The following EAF2 variants were observed in gnomAD, a reference collection of about 807,000 sequenced individuals.
The protein encoded by EAF2 is ELL associated factor 2, also known as ELL-associated factor 2.
EAF2 carries 29 observed loss-of-function variants against 29.4 expected under a neutral mutation model. That is an observed-to-expected ratio of 0.99 (90% CI 0.73 to 1.35). The LOEUF (loss-of-function observed/expected upper bound fraction) is 1.35, where lower values mean the gene tolerates loss of function less well. Ranked by LOEUF, EAF2 falls within the 40% of genes most tolerant of loss-of-function variation. The pLI, the probability that EAF2 is intolerant of heterozygous loss-of-function variation, is 0.00. For missense variants in EAF2, 292 were observed against 312.0 expected (o/e 0.94, Z 0.48); for synonymous variants, 103 against 102.5 (o/e 1.00, Z -0.03).
intron 5 of EAF2, among the ~76,000 whole-genome samples, chr3:121,883,538 G>C (rs189442467): frequency 7.3e-4 from 111 of 152,294 alleles, no homozygotes; most frequent in African/African-American, 2.5e-3. Context: ...GATCTTCCAA[G>C]TACATATTCC....
intron 5 of EAF2, among the ~76,000 whole-genome samples, chr3:121,878,164 C>A (rs1371335187): frequency 6.6e-6 from 1 of 151,396 alleles, no homozygotes; most frequent in Non-Finnish European, 1.5e-5. Context: ...CAAAATAGAC[C>A]AATAGAATAG....
intron 5 of EAF2, among the ~76,000 whole-genome samples, chr3:121,881,401 G>A (rs1158179284): frequency 1.3e-5 from 2 of 152,014 alleles, no homozygotes; most frequent in African/African-American, 4.8e-5. Flanking sequence ...TACTTGACCT[G>A]TTCATGTTTT....
intron 1 of EAF2, among the ~76,000 whole-genome samples, chr3:121,840,689 C>T (rs1191007916): frequency 2.7e-5 from 4 of 150,664 alleles, no homozygotes; most frequent in Admixed American, 2.0e-4. Flanking sequence ...CGCCTGTGGT[C>T]CCAGCCATTC....
chr3:121,886,057 G>A lies in EAF2; in HGVS notation c.737-285G>A, dbSNP rs192278883. Among the ~76,000 whole-genome samples the A allele has an allele frequency of 3.9e-3, 590 of 151,688 alleles. 6 individuals are homozygous for A. Among genetic ancestry groups the A allele is most frequent in the African/African-American group, 0.012 (516 of 41,330 alleles). ...CTAAACTACATTTTTCTCATTTCCC[G>A]ATTTAATTAAATCAGTGATATAAAA... On this transcript the variant is annotated intron_variant, in intron 5 of 5. Coordinates refer to ENST00000273668, the MANE Select transcript of EAF2 (RefSeq NM_018456.6).
intron 2 of EAF2, among the ~76,000 whole-genome samples, chr3:121,845,459 A>AAG (rs1553726218): frequency 1.6e-4 from 15 of 96,656 alleles, no homozygotes; most frequent in African/African-American, 6.7e-4. Flanking sequence ...AAAAAAAAAA[A>AAG]AAAGAAAGAA....
At chr3:121,847,232 T>C (rs1235244883) in intron 2 of EAF2, among the ~76,000 whole-genome samples, 1 of 152,072 alleles carries the variant, frequency 6.6e-6, no homozygotes, top group Non-Finnish European at 1.5e-5. Context: ...AATGTAGAAA[T>C]CTAAGAACTA....
intron 5 of EAF2, among the ~76,000 whole-genome samples, chr3:121,882,853 A>G (rs1045696376): frequency 6.6e-6 from 1 of 151,516 alleles, no homozygotes; most frequent in Non-Finnish European, 1.5e-5. Flanking sequence ...GGAGTTTCCT[A>G]ATGAAATAAA....
intron 5 of EAF2, chr3:121,873,127 T>A (rs1191359608): frequency 7.5e-6 from 5 of 670,090 alleles, no homozygotes; most frequent in Non-Finnish European, 1.3e-5. Context: ...TCCTCCATGT[T>A]TCTGTTGCAG....
chr3:121,846,084 G>A (rs190627508), intron 2 of EAF2, among the ~76,000 whole-genome samples: 1 of 152,128 alleles, frequency 6.6e-6, no homozygotes, highest in Admixed American at 6.5e-5. Context: ...TTTGTAATGG[G>A]GTGGTTTTGT....
intron 2 of EAF2, 118 bp from the exon 3 acceptor site, chr3:121,854,568 GT>G (rs1218825722): frequency 6.3e-6 from 5 of 797,428 alleles, no homozygotes; most frequent in Admixed American, 8.0e-5. Context: ...AATTTAGGTA[GT>G]TTATGGGTGA....
chr3:121,869,735 C>A (rs921751260), intron 4 of EAF2, among the ~76,000 whole-genome samples: 13 of 151,770 alleles, frequency 8.6e-5, no homozygotes, highest in African/African-American at 3.1e-4. Flanking sequence ...TTAGATTACT[C>A]AGGCAGTCAG....
At chr3:121,855,180 G>A in intron 3 of EAF2, among the ~76,000 whole-genome samples, 1 of 152,006 alleles carries the variant, frequency 6.6e-6, no homozygotes, top group East Asian at 1.9e-4. Context: ...GATGTGTAAG[G>A]TACTAGAAAA....
chr3:121,856,946 T>C, intron 3 of EAF2, 65 bp from the exon 4 acceptor site: 5 of 1,432,206 alleles, frequency 3.5e-6, no homozygotes, highest in Non-Finnish European at 4.8e-6. Flanking sequence ...TTAGTAACTT[T>C]GTAAGTTAAA....
At chr3:121,838,472 G>A (rs1708345433) in intron 1 of EAF2, among the ~76,000 whole-genome samples, 1 of 152,160 alleles carries the variant, frequency 6.6e-6, no homozygotes, top group African/African-American at 2.4e-5. Context: ...TTAAAAAAGT[G>A]TGTGAGGACA....
At chr3:121,865,895 G>T (rs904573744) in intron 4 of EAF2, among the ~76,000 whole-genome samples, 1 of 152,060 alleles carries the variant, frequency 6.6e-6, no homozygotes, top group Non-Finnish European at 1.5e-5. Flanking sequence ...TAAGCATTCA[G>T]CCTGGGAAGA....
chr3:121,841,504 C>CAAAAAAAAAAAAAA, intron 1 of EAF2, among the ~76,000 whole-genome samples: 61 of 25,886 alleles, frequency 2.4e-3, no homozygotes, highest in Non-Finnish European at 3.5e-3. Flanking sequence ...GACCCTGTCT[C>CAAAAAAAAAAAAAA]AAAAAAAAAA....
chr3:121,860,594 A>T (rs1708809505), intron 4 of EAF2, among the ~76,000 whole-genome samples: 2 of 151,506 alleles, frequency 1.3e-5, no homozygotes, highest in African/African-American at 4.9e-5. Flanking sequence ...TGGTCTATCA[A>T]TTTTGTTGAT....
chr3:121,856,922 A>G (rs1027927049), intron 3 of EAF2, 89 bp from the exon 4 acceptor site: 4 of 1,058,392 alleles, frequency 3.8e-6, no homozygotes, highest in Non-Finnish European at 5.5e-6. Context: ...TAGGAAAAGA[A>G]TAAGTGGTCA....
chr3:121,886,051 T>G (rs1709277324), intron 5 of EAF2, among the ~76,000 whole-genome samples: 1 of 152,146 alleles, frequency 6.6e-6, no homozygotes, highest in Admixed American at 6.6e-5. Flanking sequence ...ATTTTTCTCA[T>G]TTCCCGATTT....
Sources: gnomAD v4.1 joint callset for allele counts (sites outside exome capture counted in the v4.1 genomes callset) on GRCh38, gnomAD v4.1.1 for gene constraint, MANE v1.5 for transcripts, NCBI Gene and HGNC (gene_info 2026-07-23, HGNC 2026-07-21) for gene names.